Variants in SHROOM4 observed in about 807,000 individuals in gnomAD.
SHROOM4 encodes the protein protein Shroom4.
A neutral mutation model predicts 80.3 loss-of-function variants in SHROOM4; 17 were observed. That is an observed-to-expected ratio of 0.21 (90% CI 0.14 to 0.32). SHROOM4 has a LOEUF of 0.32. SHROOM4 is among the 10% of genes least tolerant of loss of function. The pLI is 1.00. For missense variants in SHROOM4, 993 were observed against 1,140.3 expected, an observed-to-expected ratio of 0.87 and a Z score of 1.86; for synonymous variants, 400 against 437.5, an observed-to-expected ratio of 0.91 and a Z score of 1.07.
At chrX:50,720,252 G>A (rs1557265311) in intron 1 of SHROOM4, among the ~76,000 whole-genome samples, 1 of 111,286 alleles carries the variant, frequency 9.0e-6, no homozygotes, top group Admixed American at 9.6e-5. Context: ...ATTTTTAAGG[G>A]ACATGAATGG....
intron 1 of SHROOM4, among the ~76,000 whole-genome samples, chrX:50,759,113 C>G (rs1569548621): frequency 8.9e-6 from 1 of 111,769 alleles, no homozygotes; most frequent in Non-Finnish European, 1.9e-5. Flanking sequence ...GGTTGAAGCC[C>G]TAACTCAACA....
rs73634241 is a variant in SHROOM4 at position 50,659,710 on chromosome X, G to A, written c.270-21402C>T. On this transcript the variant is annotated intron_variant, in intron 2 of 8. Coordinates refer to ENST00000376020, the MANE Select transcript of SHROOM4 (RefSeq NM_020717.5). ...ATATGGCAGAGTGTGAAGAACATAA[G>A]CTCTAGAACAAGACTGTCTGTATTT... 1.1e-3 allele frequency among the ~76,000 whole-genome samples: 125 copies of A among 111,630 alleles called. No homozygotes were observed. The Middle Eastern group carries it at 0.014, about 12-fold the overall frequency.
At chrX:50,756,837 ATCTG>A (rs1229628598) in intron 1 of SHROOM4, among the ~76,000 whole-genome samples, 2 of 111,735 alleles carry the variant, frequency 1.8e-5, no homozygotes, top group African/African-American at 3.3e-5. Flanking sequence ...TTAATGTATA[ATCTG>A]TCTTATTACT....
intron 1 of SHROOM4, among the ~76,000 whole-genome samples, chrX:50,743,910 C>T (rs189220829): frequency 2.0e-3 from 218 of 111,474 alleles, no homozygotes; most frequent in African/African-American, 6.5e-3. Context: ...TTTTTCTTTA[C>T]GACTTCGAGT....
chrX:50,600,935 G>A (rs1168819644), intron 7 of SHROOM4, among the ~76,000 whole-genome samples: 2 of 111,799 alleles, frequency 1.8e-5, no homozygotes, highest in Non-Finnish European at 3.8e-5. Flanking sequence ...GATGGCTAGG[G>A]GCCATCTAGA....
intron 1 of SHROOM4, among the ~76,000 whole-genome samples, chrX:50,702,665 G>C (rs142013224): frequency 0.016 from 1,804 of 111,742 alleles, 47 homozygotes; most frequent in African/African-American, 0.055. Flanking sequence ...ATAATTTTTG[G>C]GGGGTGCTAG....
At chrX:50,610,185 C>T (rs1396183138) in intron 5 of SHROOM4, among the ~76,000 whole-genome samples, 1 of 111,364 alleles carries the variant, frequency 9.0e-6, no homozygotes, top group South Asian at 3.8e-4. Flanking sequence ...TCCTCTTATC[C>T]CTCCCCCATT....
intron 6 of SHROOM4, among the ~76,000 whole-genome samples, chrX:50,606,594 A>G (rs1331260051): frequency 1.8e-5 from 2 of 108,809 alleles, no homozygotes; most frequent in African/African-American, 3.4e-5. Context: ...AGAAATTAAA[A>G]AAAAAAACCC....
intron 2 of SHROOM4, among the ~76,000 whole-genome samples, chrX:50,651,636 G>C (rs1557258793): frequency 1.8e-5 from 2 of 111,348 alleles, no homozygotes; most frequent in Non-Finnish European, 1.9e-5. Context: ...AGAACGTGCA[G>C]GTTTGTTACA....
At chrX:50,625,531 C>T (rs1185449839) in intron 5 of SHROOM4, among the ~76,000 whole-genome samples, 2 of 111,478 alleles carry the variant, frequency 1.8e-5, no homozygotes, top group Non-Finnish European at 3.8e-5. Flanking sequence ...AAGGTGGTGA[C>T]AATAAGGTTT....
At chrX:50,607,341 C>T in intron 6 of SHROOM4, 40 bp downstream of exon 6, 2 of 1,199,540 alleles carry the variant, frequency 1.7e-6, no homozygotes, top group Non-Finnish European at 2.3e-6. Flanking sequence ...CTTGTGCTGC[C>T]TGCCTCTTCA....
intron 1 of SHROOM4, among the ~76,000 whole-genome samples, chrX:50,777,787 A>C (rs922971468): frequency 8.9e-6 from 1 of 112,314 alleles, no homozygotes; most frequent in Admixed American, 9.4e-5. Flanking sequence ...TTTTCTCATA[A>C]ATGGTTGAAG....
chrX:50,640,360 TATG>T (rs1457766506), intron 2 of SHROOM4, among the ~76,000 whole-genome samples: 2 of 110,103 alleles, frequency 1.8e-5, no homozygotes, highest in Non-Finnish European at 3.8e-5. Context: ...GTCTTTTTTT[TATG>T]ATGTTTCTCT....
At position 50,592,293 on chromosome X, in the gene SHROOM4, C is replaced by T. The variant is rs917304944; in HGVS notation, c.*4402G>A. The T allele has an allele frequency of 2.7e-5, 8 of 293,214 alleles. No homozygotes were observed. Among genetic ancestry groups the T allele is most frequent in the African/African-American group, 1.4e-4 (5 of 36,850 alleles). The allele number at this position is 293,214 out of a possible 1,213,427, so 24.2% of individuals were successfully genotyped here. On this transcript the variant is annotated 3_prime_UTR_variant, in exon 9 of 9. Transcript: ENST00000376020. ...CTAGTTAAAATTCAGACTGCTATCA[C>T]TGGGTTTGGGGTGGGCCTGGGATTC...
intron 1 of SHROOM4, among the ~76,000 whole-genome samples, chrX:50,716,397 T>A (rs1933955243): frequency 8.9e-6 from 1 of 111,905 alleles, no homozygotes; most frequent in African/African-American, 3.2e-5. Flanking sequence ...ATATTTTAAT[T>A]CGCTCAATTT....
chrX:50,741,682 C>G (rs947213084), intron 1 of SHROOM4, among the ~76,000 whole-genome samples: 1 of 111,065 alleles, frequency 9.0e-6, no homozygotes, highest in African/African-American at 3.3e-5. Flanking sequence ...AGCACCTTTT[C>G]ATGTGCTTTT....
the SHROOM4 span, among the ~76,000 whole-genome samples, chrX:50,581,098 A>T: frequency 8.9e-6 from 1 of 111,891 alleles, no homozygotes; most frequent in Non-Finnish European, 1.9e-5. Context: ...CTAGCACAGG[A>T]TTCAAATATT....
intron 1 of SHROOM4, among the ~76,000 whole-genome samples, chrX:50,702,344 T>G (rs782660493): frequency 4.5e-5 from 5 of 111,528 alleles, no homozygotes; most frequent in African/African-American, 1.3e-4. Flanking sequence ...ACTTAGAGAC[T>G]CCGAAGAGAA....
Position 50,779,759 on chromosome X carries a change from T to G in SHROOM4, c.117+34143A>C, listed in dbSNP as rs189169107. ...TGGTTCTTCCTTCCTGCCCTGGGAA[T>G]TCACCCAGTCACCATCTGCAAAACA... On this transcript the variant is annotated intron_variant, in intron 1 of 8. Transcript: ENST00000376020. Among the ~76,000 whole-genome samples the G allele has an allele frequency of 8.9e-5, 10 of 112,007 alleles. 1 individual carries two copies. The highest frequency in any genetic ancestry group is 4.7e-4 in the Admixed American group (5 of 10,527).
Sources: gnomAD v4.1 joint callset for allele counts (sites outside exome capture counted in the v4.1 genomes callset) on GRCh38, gnomAD v4.1.1 for gene constraint, MANE v1.5 for transcripts, NCBI Gene and HGNC (gene_info 2026-07-23, HGNC 2026-07-21) for gene names.